The following C12orf50 variants were observed in gnomAD, a reference collection of about 807,000 sequenced individuals.
C12orf50 encodes uncharacterized protein C12orf50.
In C12orf50, 35 loss-of-function variants were observed where a neutral mutation model predicts 61.6. That is an observed-to-expected ratio of 0.57 (90% CI 0.43 to 0.75). The LOEUF is 0.75. Among genes scored for constraint, C12orf50 ranks in the 30% least tolerant of loss-of-function variants. C12orf50 has a pLI of 0.00. For synonymous variants in C12orf50, 178 were observed against 161.5 expected, an observed-to-expected ratio of 1.10 and a Z score of -0.77; for missense variants, 475 against 488.5, an observed-to-expected ratio of 0.97 and a Z score of 0.26.
chr12:88,026,523 C>A lies in C12orf50; in HGVS notation c.98G>T (p.Arg33Leu). The A allele has an allele frequency of 2.5e-6, 4 of 1,613,782 alleles. No homozygotes were observed. The highest frequency in any genetic ancestry group is 3.4e-6 in the Non-Finnish European group (4 of 1,179,916). The change falls in exon 3 of 13, where the codon CGA becomes CTA. Residue 33 changes from arginine (R) to leucine (L), a missense_variant. Physicochemically the swap from Arg to Leu is moderately radical, Grantham distance 102. Coordinates refer to ENST00000298699, the MANE Select transcript of C12orf50 (RefSeq NM_152589.3). ...ISCIFYHSKP[R>L]NINGLFLPPS... ...TGGCAAAAATAATCCATTGATATTTCGAGGTTTGCTGTGATAAAAGATACA... is the reference window on the plus strand; with the variant it reads ...TGGCAAAAATAATCCATTGATATTTAGAGGTTTGCTGTGATAAAAGATACA...
At chr12:88,021,502 G>T (rs1469412515) in intron 3 of C12orf50, among the ~76,000 whole-genome samples, 1 of 152,068 alleles carries the variant, frequency 6.6e-6, no homozygotes, top group Non-Finnish European at 1.5e-5. Context: ...GTCAGGCATG[G>T]TGGTGCATGC....
rs1204831668 is a variant in C12orf50, at chr12:87,994,653, A to G, written c.572T>C (p.Ile191Thr). 1.9e-6 allele frequency: 3 copies of G among 1,611,130 alleles called. No individual in the cohort carries two copies. The highest frequency in any genetic ancestry group is 2.2e-5 in the East Asian group (1 of 44,778). The change falls in exon 7 of 13, where the codon ATT becomes ACT. Residue 191 changes from isoleucine to threonine, a missense_variant. Coordinates refer to ENST00000298699, the MANE Select transcript of C12orf50 (RefSeq NM_152589.3). ...TSLHGKPKTD[I>T]AAFENGGGDC... ...CTCACCTCCATTTTCAAAAGCAGCA[A>G]TGTCAGTCTTTGGTTTCCCATGCAA...
At chr12:88,028,832 G>A (rs2032799041) in intron 1 of C12orf50, among the ~76,000 whole-genome samples, 1 of 152,162 alleles carries the variant, frequency 6.6e-6, no homozygotes, top group East Asian at 1.9e-4. Context: ...CATATAACTG[G>A]TATATATAAG....
rs2030387002 is a variant in C12orf50 at position 87,980,209 on chromosome 12, TG to T, written c.*121del. 1 of 948,076 alleles carries T rather than the reference TG, an allele frequency of 1.1e-6. No individual in the cohort carries two copies. Among genetic ancestry groups the T allele is most frequent in the Non-Finnish European group, 1.6e-6 (1 of 610,092 alleles). 58.7% of individuals were successfully genotyped at this position (948,076 alleles called of 1,614,324 possible). A position where few individuals can be genotyped will look rare whatever the true frequency, so the allele number is the denominator to read the frequency against. On this transcript the variant is annotated 3_prime_UTR_variant, in exon 13 of 13. Transcript: ENST00000298699. ...TCAGAATTTGCATTTTTATCATCTT[TG>T]GCTATCCACTACATAACATGGAGTA...
chr12:88,026,057 G>C (rs1012198847), intron 3 of C12orf50, among the ~76,000 whole-genome samples: 1 of 152,148 alleles, frequency 6.6e-6, no homozygotes, highest in Non-Finnish European at 1.5e-5. Context: ...TGTTCTGCTA[G>C]AAACAGAAGT....
Position 88,026,735 on chromosome 12 carries a change from C to T in C12orf50, c.13-127G>A, listed in dbSNP as rs977563760. On this transcript the variant is annotated intron_variant, in intron 2 of 12. Coordinates refer to ENST00000298699, the MANE Select transcript of C12orf50 (RefSeq NM_152589.3). ...TTAACTGATTTAGGATCATGTGTGT[C>T]TTCCAGCTTTCAGTGTTTCTAAGCC... 2.5e-5 allele frequency: 34 copies of T among 1,352,356 alleles called. No homozygotes were observed. In the African/African-American group the frequency reaches 4.8e-4, roughly 19 times the overall value. The allele number at this position is 1,352,356 out of a possible 1,614,324, so 83.8% of individuals were successfully genotyped here. A position where few individuals can be genotyped will look rare whatever the true frequency, so the allele number is the denominator to read the frequency against.
At chr12:88,000,046 C>CT (rs2031587792) in intron 3 of C12orf50, among the ~76,000 whole-genome samples, 1 of 151,930 alleles carries the variant, frequency 6.6e-6, no homozygotes, top group Non-Finnish European at 1.5e-5. Flanking sequence ...TGAGGAGTAA[C>CT]TGTTAATGAA....
At chr12:87,982,505 T>G (rs1413285016) in intron 12 of C12orf50, among the ~76,000 whole-genome samples, 1 of 152,166 alleles carries the variant, frequency 6.6e-6, no homozygotes, top group Non-Finnish European at 1.5e-5. Flanking sequence ...CCAAACCTAC[T>G]GAACCAGCCC....
At chr12:88,008,183 A>G (rs370822002) in intron 3 of C12orf50, among the ~76,000 whole-genome samples, 22 of 152,096 alleles carry the variant, frequency 1.4e-4, no homozygotes, top group Non-Finnish European at 2.8e-4. Flanking sequence ...CCTAGTACTC[A>G]TTAGTTATTT....
At chr12:88,020,216 A>T (rs765062659) in intron 3 of C12orf50, among the ~76,000 whole-genome samples, 4 of 152,198 alleles carry the variant, frequency 2.6e-5, no homozygotes, top group Non-Finnish European at 4.4e-5. Flanking sequence ...AAAGGAGCTA[A>T]ATGCACCAAT....
At chr12:88,029,225 T>C (rs1235237665) in intron 1 of C12orf50, 115 bp downstream of exon 1, 3 of 621,378 alleles carry the variant, frequency 4.8e-6, no homozygotes, top group Non-Finnish European at 7.1e-6. Context: ...GGGGGAAAAA[T>C]AATTTCTTTT....
At chr12:87,985,599 T>C (rs1565738566) in intron 11 of C12orf50, 1 of 527,692 alleles carries the variant, frequency 1.9e-6, no homozygotes, top group Non-Finnish European at 3.4e-6. Context: ...CAAAGTGCAG[T>C]GCTCTGAGAA....
intron 7 of C12orf50, among the ~76,000 whole-genome samples, chr12:87,989,706 A>G (rs2031028432): frequency 6.6e-6 from 1 of 152,108 alleles, no homozygotes; most frequent in Non-Finnish European, 1.5e-5. Flanking sequence ...ACATCTTCAG[A>G]TATATTAAAG....
rs2030380927 is a variant in C12orf50, at chr12:87,980,088, A to C, written c.*243T>G. 1 of 491,618 alleles carries C rather than the reference A, an allele frequency of 2.0e-6. No individual in the cohort carries two copies. 30.5% of individuals were successfully genotyped at this position (491,618 alleles called of 1,614,324 possible). On this transcript the variant is annotated 3_prime_UTR_variant, in exon 13 of 13. Coordinates refer to ENST00000298699, the MANE Select transcript of C12orf50 (RefSeq NM_152589.3). ...TAAAATGTTTGGAGTAATGCACGGA[A>C]TGAATTCCAGACCTACATAAATACA...
chr12:87,987,148 A>C (rs1190338845), intron 9 of C12orf50, among the ~76,000 whole-genome samples: 12 of 152,150 alleles, frequency 7.9e-5, no homozygotes, highest in Non-Finnish European at 2.9e-5. Context: ...AGACTACATT[A>C]GTTCTCTACA....
chr12:88,029,603 A>C (rs2032826683), upstream of C12orf50, among the ~76,000 whole-genome samples: 1 of 152,152 alleles, frequency 6.6e-6, no homozygotes, highest in Admixed American at 6.6e-5. Context: ...TTCTCGTTGA[A>C]TATGGACTAT....
chr12:87,989,102 G>A (rs12368664), intron 8 of C12orf50, among the ~76,000 whole-genome samples, 162 bp downstream of exon 8: 41,170 of 152,004 alleles, frequency 0.27, 10,796 homozygotes, highest in African/African-American at 0.69. Flanking sequence ...TGGTCATACA[G>A]TTAGGGGCAG....
chr12:88,007,929 G>A (rs1023470696), intron 3 of C12orf50, among the ~76,000 whole-genome samples: 7 of 151,448 alleles, frequency 4.6e-5, no homozygotes, highest in East Asian at 3.9e-4. Flanking sequence ...CTTTATCATC[G>A]TTTAAAAAAA....
intron 12 of C12orf50, among the ~76,000 whole-genome samples, chr12:87,981,867 A>T (rs942461671): frequency 6.6e-6 from 1 of 151,944 alleles, no homozygotes; most frequent in African/African-American, 2.4e-5. Context: ...AACAGCAAAA[A>T]ATTTCTCTTC....
Sources: gnomAD v4.1 joint callset for allele counts (sites outside exome capture counted in the v4.1 genomes callset) on GRCh38, gnomAD v4.1.1 for gene constraint, MANE v1.5 for transcripts, NCBI Gene and HGNC (gene_info 2026-07-23, HGNC 2026-07-21) for gene names.